PLA2G6: variants seen among roughly 807,000 people sequenced by gnomAD.
The protein encoded by PLA2G6 is 85/88 kDa calcium-independent phospholipase A2.
A neutral mutation model predicts 83.8 loss-of-function variants in PLA2G6; 62 were observed. The observed-to-expected ratio is 0.74, with a 90% CI of 0.60 to 0.91. The LOEUF is 0.91. Among genes scored for constraint, PLA2G6 ranks in the 40% least tolerant of loss-of-function variants. PLA2G6 has a pLI of 0.00. For synonymous variants in PLA2G6, 417 were observed against 449.8 expected (o/e 0.93, Z 0.92); for missense variants, 944 against 1,102.0 (o/e 0.86, Z 2.03).
At chr22:38,151,408 T>A (rs1236448115) in intron 2 of PLA2G6, among the ~76,000 whole-genome samples, 1 of 151,810 alleles carries the variant, frequency 6.6e-6, no homozygotes, top group Admixed American at 6.6e-5. Context: ...CCTGGCTAAT[T>A]TTTTGTATTT....
At position 38,123,265 on chromosome 22, in the gene PLA2G6, T is replaced by C. The variant is rs1157715134; in HGVS notation, c.1428-7A>G. On this transcript the variant is annotated splice_polypyrimidine_tract_variant and splice_region_variant and intron_variant, in intron 10 of 16. Coordinates refer to ENST00000332509, the MANE Select transcript of PLA2G6 (RefSeq NM_003560.4). The surrounding 1 kb of genome is among the most constrained non-coding windows in gnomAD (Gnocchi z 4.1). Reference sequence around the variant, plus strand: ...GCACAGCAGGTGGTCGTGGCTGCAGTGGGAACAGCAGTGGGAGAGAGGAGG... The same window carrying C: ...GCACAGCAGGTGGTCGTGGCTGCAGCGGGAACAGCAGTGGGAGAGAGGAGG... The C allele has an allele frequency of 2.6e-6, 4 of 1,557,302 alleles. No individual in the cohort carries two copies. Among genetic ancestry groups the C allele is most frequent in the Admixed American group, 1.9e-5 (1 of 51,848 alleles).
intron 1 of PLA2G6, among the ~76,000 whole-genome samples, chr22:38,173,242 C>A (rs900922079): frequency 1.3e-5 from 2 of 152,080 alleles, no homozygotes; most frequent in East Asian, 3.9e-4. Flanking sequence ...CATCTCTCCC[C>A]CTGGCTTCTC....
intron 2 of PLA2G6, chr22:38,163,782 C>T (rs1449534808): frequency 6.0e-6 from 1 of 166,082 alleles, no homozygotes; most frequent in Admixed American, 6.5e-5. Flanking sequence ...CTCCTTTTCT[C>T]GCAGAGACCT....
At chr22:38,169,514 CA>C in intron 1 of PLA2G6, 43 bp from the exon 2 acceptor site, 1 of 1,113,028 alleles carries the variant, frequency 9.0e-7, no homozygotes, top group Non-Finnish European at 1.3e-6. Flanking sequence ...CACAGTCTCC[CA>C]TGCCCATCTC....
chr22:38,162,374 G>A (rs1015562503), intron 2 of PLA2G6, among the ~76,000 whole-genome samples: 7 of 152,098 alleles, frequency 4.6e-5, no homozygotes, highest in African/African-American at 1.7e-4. Context: ...AGGTGAAGGA[G>A]TGACAATGAC....
At chr22:38,125,525 T>C (rs1053646321) in intron 10 of PLA2G6, 1 of 353,240 alleles carries the variant, frequency 2.8e-6, no homozygotes, top group African/African-American at 2.2e-5. Context: ...GAGCTTTCCC[T>C]GCAGAGGGCT....
intron 9 of PLA2G6, 91 bp from the exon 10 acceptor site, chr22:38,126,540 T>A: frequency 2.2e-6 from 2 of 922,268 alleles, no homozygotes; most frequent in South Asian, 1.3e-5. Flanking sequence ...GGGCTGTGCC[T>A]CGCCCACGGC....
chr22:38,164,831 C>A (rs2090154973), intron 2 of PLA2G6, among the ~76,000 whole-genome samples: 1 of 152,200 alleles, frequency 6.6e-6, no homozygotes, highest in South Asian at 2.1e-4. Context: ...AAACTCAGCC[C>A]TGGCCAGAGG....
chr22:38,145,715 T>A (rs2089208723), intron 2 of PLA2G6, 62 bp from the exon 3 acceptor site: 3 of 1,205,984 alleles, frequency 2.5e-6, no homozygotes, highest in Non-Finnish European at 3.6e-6. Flanking sequence ...TCGGCCCACA[T>A]CCCTGCTGGA....
At chr22:38,151,412 T>C (rs1312526646) in intron 2 of PLA2G6, among the ~76,000 whole-genome samples, 1 of 152,048 alleles carries the variant, frequency 6.6e-6, no homozygotes, top group Non-Finnish European at 1.5e-5. Flanking sequence ...GCTAATTTTT[T>C]GTATTTTCAG....
intron 1 of PLA2G6, among the ~76,000 whole-genome samples, chr22:38,178,836 A>T (rs1268245196): frequency 2.0e-5 from 3 of 152,208 alleles, no homozygotes; most frequent in African/African-American, 7.2e-5. Context: ...ACTGCGCTCC[A>T]GCCTGGGCAA....
At chr22:38,173,222 T>C (rs2090504640) in intron 1 of PLA2G6, among the ~76,000 whole-genome samples, 4 of 152,064 alleles carry the variant, frequency 2.6e-5, no homozygotes, top group South Asian at 4.1e-4. Flanking sequence ...CCCCGCATCA[T>C]GCCTCACTTC....
At chr22:38,131,816 C>T (rs1200643400) in intron 7 of PLA2G6, 3 of 275,762 alleles carry the variant, frequency 1.1e-5, no homozygotes, top group African/African-American at 4.6e-5. Flanking sequence ...CGGTGGGGCG[C>T]GGTGGCTCAC....
chr22:38,120,273 C>T (rs2087445822), intron 12 of PLA2G6, among the ~76,000 whole-genome samples: 1 of 152,242 alleles, frequency 6.6e-6, no homozygotes, highest in Admixed American at 6.5e-5. Context: ...AGACTGAAGC[C>T]CTCTGATTAT....
intron 12 of PLA2G6, 102 bp from the exon 13 acceptor site, chr22:38,116,313 C>T: frequency 7.9e-7 from 1 of 1,272,620 alleles, no homozygotes; most frequent in Non-Finnish European, 1.1e-6. Context: ...AGAGTGCCCA[C>T]TCCAACCTCT....
At chr22:38,167,251 A>G (rs900972373) in intron 2 of PLA2G6, among the ~76,000 whole-genome samples, 3 of 151,886 alleles carry the variant, frequency 2.0e-5, no homozygotes, top group Admixed American at 2.0e-4. Context: ...AAAGAAAACA[A>G]AAAATCCTGT....
intron 1 of PLA2G6, among the ~76,000 whole-genome samples, chr22:38,179,188 A>G (rs2090750861): frequency 6.6e-6 from 1 of 152,242 alleles, no homozygotes; most frequent in Non-Finnish European, 1.5e-5. Flanking sequence ...GGGCTGGAAC[A>G]TGTTTAGCGA....
In PLA2G6 at chr22:38,128,853, T is replaced by C. The variant is rs1402130486; in HGVS notation, c.1187-423A>G. On this transcript the variant is annotated intron_variant, in intron 8 of 16. Coordinates refer to ENST00000332509, the MANE Select transcript of PLA2G6 (RefSeq NM_003560.4). This position sits in a 1 kb window ranked among gnomAD's most constrained non-coding sequence, Gnocchi z 4.4. The stretch of plus-strand genomic sequence containing the variant: ...GATGGGATTGCTGAAAAGGAGGTCA[T>C]AGATGCGGTGCATGCAGACACACAC... Among the ~76,000 whole-genome samples the C allele has an allele frequency of 2.6e-5, 4 of 152,206 alleles. No homozygotes were observed. Among genetic ancestry groups the C allele is most frequent in the Non-Finnish European group, 5.9e-5 (4 of 68,020 alleles).
intron 9 of PLA2G6, chr22:38,126,730 C>T: frequency 2.1e-6 from 1 of 483,812 alleles, no homozygotes; most frequent in Non-Finnish European, 3.8e-6. Flanking sequence ...TCCCCTCAAT[C>T]TCTTCCTCTT....
Sources: allele counts gnomAD v4.1 joint callset (sites outside exome capture counted in the v4.1 genomes callset), GRCh38; gene constraint gnomAD v4.1.1; non-coding constraint Gnocchi (gnomAD v3.1); transcripts MANE v1.5; gene names NCBI Gene and HGNC (gene_info 2026-07-23, HGNC 2026-07-21).